ADGRB3: variants seen among roughly 807,000 people sequenced by gnomAD.
The protein encoded by ADGRB3 is brain-specific angiogenesis inhibitor 3.
A neutral mutation model predicts 193.4 loss-of-function variants in ADGRB3; 37 were observed. That is an observed-to-expected ratio of 0.19 (90% CI 0.15 to 0.25). ADGRB3 has a LOEUF of 0.25. ADGRB3 is among the 10% of genes least tolerant of loss of function. ADGRB3 has a pLI of 1.00. For missense variants in ADGRB3, 1,637 were observed against 1,852.9 expected, an observed-to-expected ratio of 0.88 and a Z score of 2.14; for synonymous variants, 690 against 644.2, an observed-to-expected ratio of 1.07 and a Z score of -1.08.
chr6:68,844,256 A>G (rs888229309), intron 3 of ADGRB3, among the ~76,000 whole-genome samples: 16 of 152,130 alleles, frequency 1.1e-4, no homozygotes, highest in African/African-American at 3.6e-4. Flanking sequence ...AAAAAAAGAA[A>G]AATATTTGCA....
chr6:69,064,699 ATGTGTACTC>A (rs1344460350), intron 16 of ADGRB3, among the ~76,000 whole-genome samples: 9 of 152,120 alleles, frequency 5.9e-5, no homozygotes, highest in Non-Finnish European at 4.4e-5. Context: ...CAGTATCAGA[ATGTGTACTC>A]TGTTTCTTAT....
intron 4 of ADGRB3, among the ~76,000 whole-genome samples, chr6:68,935,153 C>T (rs1047840275): frequency 6.6e-6 from 1 of 152,116 alleles, no homozygotes; most frequent in Non-Finnish European, 1.5e-5. Context: ...CGCAAACTGG[C>T]CGTTATGGTC....
intron 3 of ADGRB3, among the ~76,000 whole-genome samples, chr6:68,889,222 G>A (rs996063842): frequency 2.0e-4 from 30 of 152,078 alleles, no homozygotes; most frequent in Non-Finnish European, 2.1e-4. Context: ...ATTGGTTTAC[G>A]TCTCCAAATA....
intron 13 of ADGRB3, among the ~76,000 whole-genome samples, chr6:69,047,598 T>C (rs1022566428): frequency 1.3e-5 from 2 of 151,996 alleles, no homozygotes; most frequent in Non-Finnish European, 2.9e-5. Flanking sequence ...TCACTATTTC[T>C]ACATATTATT....
intron 3 of ADGRB3, among the ~76,000 whole-genome samples, chr6:68,827,066 C>T (rs962204610): frequency 6.6e-6 from 1 of 151,964 alleles, no homozygotes; most frequent in African/African-American, 2.4e-5. Flanking sequence ...GACAAGCTCC[C>T]CAAAGTAGTG....
intron 3 of ADGRB3, among the ~76,000 whole-genome samples, chr6:68,807,003 A>C (rs1767412857): frequency 6.6e-6 from 1 of 152,174 alleles, no homozygotes; most frequent in African/African-American, 2.4e-5. Context: ...AGAAAAGGTT[A>C]TGCAAAGTTA....
intron 11 of ADGRB3, among the ~76,000 whole-genome samples, chr6:69,007,758 A>G (rs879364059): frequency 4.6e-5 from 7 of 150,942 alleles, no homozygotes; most frequent in Non-Finnish European, 7.4e-5. Flanking sequence ...TATTCCTATA[A>G]CCTATTTTGT....
rs149509542 is a variant in ADGRB3, at chr6:68,887,109, G to A, written c.758-43450G>A. Among the ~76,000 whole-genome samples the A allele has an allele frequency of 4.9e-4, 74 of 151,158 alleles. 1 individual carries two copies. Among genetic ancestry groups the A allele is most frequent in the African/African-American group, 1.7e-3 (69 of 41,164 alleles). On this transcript the variant is annotated intron_variant, in intron 3 of 31. Coordinates refer to ENST00000370598, the MANE Select transcript of ADGRB3 (RefSeq NM_001704.3). ...CACATACATATATGTGGGTATTAAC[G>A]CAATTCTTTATCACCTTAGAGTAAG... is the stretch of plus-strand genomic sequence containing the variant.
intron 3 of ADGRB3, among the ~76,000 whole-genome samples, chr6:68,754,871 C>T (rs760761624): frequency 1.3e-5 from 2 of 152,036 alleles, no homozygotes; most frequent in Non-Finnish European, 2.9e-5. Flanking sequence ...AAAAGGAAGC[C>T]ATGGGGGAAT....
rs150824269 is a variant in ADGRB3, at chr6:69,263,748, A to G, written c.2814+24522A>G. On this transcript the variant is annotated intron_variant, in intron 20 of 31. Transcript: ENST00000370598. ...TCAAATGCTAAGGGAGACATGTACT[A>G]TCTCACAGTAACTCATATAATGTTG... Among the ~76,000 whole-genome samples the G allele has an allele frequency of 3.1e-4, 47 of 152,114 alleles. No homozygotes were observed. The East Asian group carries it at 7.9e-3, about 26-fold the overall frequency.
intron 3 of ADGRB3, among the ~76,000 whole-genome samples, chr6:68,787,334 A>G (rs144519154): frequency 0.029 from 4,393 of 152,226 alleles, 211 homozygotes; most frequent in African/African-American, 0.098. Flanking sequence ...TCTCATCAAT[A>G]CCTAATTGAT....
intron 10 of ADGRB3, among the ~76,000 whole-genome samples, chr6:68,983,778 T>C (rs78145398): frequency 0.083 from 12,663 of 152,070 alleles, 665 homozygotes; most frequent in Non-Finnish European, 0.12. Flanking sequence ...TTAAAGGAAA[T>C]TAGCAGGGTG....
chr6:69,101,840 A>C (rs566255208), intron 17 of ADGRB3, among the ~76,000 whole-genome samples: 10 of 152,228 alleles, frequency 6.6e-5, no homozygotes, highest in South Asian at 2.1e-4. Context: ...AGGGTAGAAT[A>C]GGATTTGAAC....
intron 17 of ADGRB3, among the ~76,000 whole-genome samples, chr6:69,188,267 TATTATCCAAG>T (rs1253592373): frequency 6.6e-6 from 1 of 152,114 alleles, no homozygotes; most frequent in African/African-American, 2.4e-5. Flanking sequence ...TTCTGGGAGT[TATTATCCAAG>T]ATATTTTCAC....
intron 5 of ADGRB3, among the ~76,000 whole-genome samples, chr6:68,939,131 C>T (rs942825774): frequency 6.6e-6 from 1 of 152,160 alleles, no homozygotes; most frequent in Non-Finnish European, 1.5e-5. Context: ...CAGAGCGCTT[C>T]TCCCCCACAG....
At chr6:69,013,063 A>G (rs916702679) in intron 11 of ADGRB3, among the ~76,000 whole-genome samples, 1 of 152,042 alleles carries the variant, frequency 6.6e-6, no homozygotes, top group Admixed American at 6.6e-5. Flanking sequence ...TACACTTCTC[A>G]GGTCTCCTGT....
intron 17 of ADGRB3, among the ~76,000 whole-genome samples, chr6:69,116,311 A>G (rs921029107): frequency 2.0e-5 from 3 of 152,330 alleles, no homozygotes; most frequent in South Asian, 2.1e-4. Context: ...TAGCCAAGCC[A>G]ATACATAAAA....
chr6:69,200,984 A>T (rs1264767558), intron 17 of ADGRB3, among the ~76,000 whole-genome samples: 2 of 152,126 alleles, frequency 1.3e-5, no homozygotes, highest in Non-Finnish European at 2.9e-5. Context: ...AATAAGCAAC[A>T]TAAGATGACA....
intron 3 of ADGRB3, among the ~76,000 whole-genome samples, chr6:68,723,411 A>G (rs1464868933): frequency 1.3e-5 from 2 of 151,862 alleles, no homozygotes; most frequent in African/African-American, 2.4e-5. Context: ...CTTCTGTCTT[A>G]CCTGGTAAGC....
Sources: allele counts gnomAD v4.1 joint callset (sites outside exome capture counted in the v4.1 genomes callset), GRCh38; gene constraint gnomAD v4.1.1; transcripts MANE v1.5; gene names NCBI Gene and HGNC (gene_info 2026-07-23, HGNC 2026-07-21).